LRRC3B: variants seen among roughly 807,000 people sequenced by gnomAD.
The protein encoded by LRRC3B is leucine rich repeat containing 3B.
Under a neutral mutation model 12.8 loss-of-function variants are expected in LRRC3B, and 2 were observed. That is an observed-to-expected ratio of 0.16 (90% CI 0.06 to 0.49). LRRC3B has a LOEUF of 0.49. Among genes scored for constraint, LRRC3B ranks in the 20% least tolerant of loss-of-function variants. The pLI is 0.96. For missense variants in LRRC3B, 189 were observed against 319.4 expected (o/e 0.59, Z 3.11); for synonymous variants, 132 against 122.0 (o/e 1.08, Z -0.54).
chr3:26,669,296 A>C (rs541976959), intron 1 of LRRC3B, among the ~76,000 whole-genome samples: 2 of 152,290 alleles, frequency 1.3e-5, no homozygotes, highest in South Asian at 4.1e-4. Context: ...AGCTCATGCC[A>C]GGTGTGTGCT....
intron 1 of LRRC3B, among the ~76,000 whole-genome samples, chr3:26,707,021 C>T (rs1452492636): frequency 6.6e-6 from 1 of 152,012 alleles, no homozygotes; most frequent in Non-Finnish European, 1.5e-5. Flanking sequence ...ATAATAGTAA[C>T]TAAAACTATG....
At chr3:26,680,648 T>C (rs6551130) in intron 1 of LRRC3B, among the ~76,000 whole-genome samples, 54,436 of 152,156 alleles carry the variant, frequency 0.36, 13,834 homozygotes, top group African/African-American at 0.71. Flanking sequence ...AACAATTGAC[T>C]TCCCATATCT....
chr3:26,676,320 G>A (rs1337590903), intron 1 of LRRC3B, among the ~76,000 whole-genome samples: 10 of 147,232 alleles, frequency 6.8e-5, no homozygotes, highest in South Asian at 4.3e-4. Flanking sequence ...ACCTATGAGT[G>A]AGAACATGCA....
At chr3:26,650,269 T>A (rs1699239231) in intron 1 of LRRC3B, among the ~76,000 whole-genome samples, 1 of 152,218 alleles carries the variant, frequency 6.6e-6, no homozygotes, top group Non-Finnish European at 1.5e-5. Flanking sequence ...ATCAGGGCCG[T>A]ATGGCTCCCA....
chr3:26,656,594 T>C (rs978545146), intron 1 of LRRC3B, among the ~76,000 whole-genome samples: 2 of 152,214 alleles, frequency 1.3e-5, no homozygotes, highest in African/African-American at 4.8e-5. Flanking sequence ...CTACACCTAA[T>C]TGCAAGAGAG....
chr3:26,667,914 TTTTA>T (rs1398174022), intron 1 of LRRC3B, among the ~76,000 whole-genome samples: 2 of 151,578 alleles, frequency 1.3e-5, no homozygotes, highest in Non-Finnish European at 3.0e-5. Context: ...ACAAACTTTA[TTTTA>T]TTTTATTTTT....
intron 1 of LRRC3B, among the ~76,000 whole-genome samples, chr3:26,646,613 A>AAC (rs1699152817): frequency 1.6e-5 from 1 of 61,706 alleles, no homozygotes; most frequent in East Asian, 3.0e-4. Flanking sequence ...AAAAAAAAAA[A>AAC]AAAAAAAAAA....
At chr3:26,646,613 A>C (rs1322316111) in intron 1 of LRRC3B, among the ~76,000 whole-genome samples, 5 of 61,706 alleles carry the variant, frequency 8.1e-5, no homozygotes, top group East Asian at 3.0e-4. Flanking sequence ...AAAAAAAAAA[A>C]AAAAAAAAAA....
chr3:26,704,587 A>G (rs949392179), intron 1 of LRRC3B, among the ~76,000 whole-genome samples: 1 of 151,534 alleles, frequency 6.6e-6, no homozygotes, highest in Non-Finnish European at 1.5e-5. Context: ...TTTTTTAGAG[A>G]CAGGGTCTTG....
At chr3:26,687,682 T>C (rs1233665168) in intron 1 of LRRC3B, among the ~76,000 whole-genome samples, 1 of 152,182 alleles carries the variant, frequency 6.6e-6, no homozygotes, top group Non-Finnish European at 1.5e-5. Context: ...CCTCCCTTTG[T>C]GTACTTGTGA....
chr3:26,642,634 A>C (rs917862609), intron 1 of LRRC3B, among the ~76,000 whole-genome samples: 1 of 152,126 alleles, frequency 6.6e-6, no homozygotes, highest in Non-Finnish European at 1.5e-5. Context: ...GTTTCTCTAC[A>C]GGCTTTGGCA....
At chr3:26,625,563 C>A (rs1014017470) in intron 1 of LRRC3B, 2 of 152,212 alleles carry the variant, frequency 1.3e-5, no homozygotes, top group Admixed American at 6.5e-5. Flanking sequence ...CTCTGACCCC[C>A]CCAAGGCTCA....
At chr3:26,649,939 C>A (rs1241508946) in intron 1 of LRRC3B, among the ~76,000 whole-genome samples, 1 of 152,194 alleles carries the variant, frequency 6.6e-6, no homozygotes, top group Non-Finnish European at 1.5e-5. Flanking sequence ...CTCTTTCCCT[C>A]TACTTATCCA....
At position 26,710,456 on chromosome 3, in the gene LRRC3B, C is replaced by T. The variant is rs147915275; in HGVS notation, c.*4C>T. The T allele has an allele frequency of 2.7e-3, 4,273 of 1,557,316 alleles. 17 individuals are homozygous for T. The highest frequency in any genetic ancestry group is 5.5e-3 in the Middle Eastern group (32 of 5,772). ...TGATATTAGCACTGTGGTATAGTGT[C>T]CAAACTGACTGTCATTGAGAAAGAA... On this transcript the variant is annotated 3_prime_UTR_variant, in exon 2 of 2. Coordinates refer to ENST00000396641, the Ensembl canonical transcript of LRRC3B.
intron 1 of LRRC3B, among the ~76,000 whole-genome samples, chr3:26,666,933 T>C (rs893519590): frequency 6.6e-6 from 1 of 152,178 alleles, no homozygotes; most frequent in Non-Finnish European, 1.5e-5. Flanking sequence ...ACTACAACAC[T>C]TTCATCAAAT....
chr3:26,647,559 C>A (rs1487051446), intron 1 of LRRC3B, among the ~76,000 whole-genome samples: 1 of 152,180 alleles, frequency 6.6e-6, no homozygotes, highest in Admixed American at 6.5e-5. Flanking sequence ...TATTATTAAG[C>A]CTTCCCTACC....
At chr3:26,700,114 G>T (rs781718980) in intron 1 of LRRC3B, among the ~76,000 whole-genome samples, 1 of 152,114 alleles carries the variant, frequency 6.6e-6, no homozygotes, top group African/African-American at 2.4e-5. Context: ...GATTTATCTT[G>T]TGAAATAGAT....
chr3:26,656,435 G>T (rs566858864), intron 1 of LRRC3B, among the ~76,000 whole-genome samples: 1 of 152,104 alleles, frequency 6.6e-6, no homozygotes, highest in Non-Finnish European at 1.5e-5. Flanking sequence ...GTGTATACAT[G>T]GCTTCCAAGT....
intron 1 of LRRC3B, among the ~76,000 whole-genome samples, chr3:26,657,622 G>A (rs1699401724): frequency 1.3e-5 from 2 of 151,984 alleles, no homozygotes; most frequent in African/African-American, 4.8e-5. Context: ...GCTTTGAGTC[G>A]ATCCAGAATT....
Sources: gnomAD v4.1 joint callset for allele counts (sites outside exome capture counted in the v4.1 genomes callset) on GRCh38, gnomAD v4.1.1 for gene constraint, MANE v1.5 for transcripts, NCBI Gene and HGNC (gene_info 2026-07-23, HGNC 2026-07-21) for gene names.